Variants in SLC27A3 observed in about 807,000 individuals in gnomAD.
SLC27A3 encodes the protein long-chain fatty acid transport protein 3.
SLC27A3 carries 60 observed loss-of-function variants against 60.1 expected under a neutral mutation model. The ratio of observed to expected loss-of-function variants is 1.00; its 90% CI spans 0.81 to 1.24. The LOEUF (loss-of-function observed/expected upper bound fraction) is 1.24. Among genes scored for constraint, SLC27A3 ranks in the 50% most tolerant of loss-of-function variants. SLC27A3 has a pLI of 0.00. For synonymous variants in SLC27A3, 455 were observed against 409.0 expected, an observed-to-expected ratio of 1.11 and a Z score of -1.36; for missense variants, 1,079 against 929.9, an observed-to-expected ratio of 1.16 and a Z score of -2.09.
chr1:153,779,405 A>T lies in SLC27A3; in HGVS notation c.1807A>T (p.Met603Leu). Residue 603 changes from methionine (M) to leucine (L), a missense_variant, in exon 9 of 10, where the codon ATG becomes TTG. Physicochemically the swap from Met to Leu is conservative, Grantham distance 15. Transcript: ENST00000624995. ...VLRPPHALDLMQLYTHVSENL... is the reference protein window; with the variant it reads ...VLRPPHALDLLQLYTHVSENL... ...GCGTCCCCCCCACGCTTTGGACCTT[A>T]TGCAGCTCTACACCCACGTGTCTGA... 6.2e-7 allele frequency: 1 copy of T among 1,613,806 alleles called. No homozygotes were observed. The highest frequency in any genetic ancestry group is 8.5e-7 in the Non-Finnish European group (1 of 1,179,934).
At position 153,779,978 on chromosome 1, in the gene SLC27A3, C is replaced by T; in HGVS notation, c.2028C>T (p.Leu676=). The T allele has an allele frequency of 6.2e-7, 1 of 1,613,604 alleles. No individual in the cohort carries two copies. Among genetic ancestry groups the T allele is most frequent in the South Asian group, 1.1e-5 (1 of 90,974 alleles). The change falls in exon 10 of 10, where the codon CTC becomes CTT. Residue 676 remains leucine, a synonymous_variant. Coordinates refer to ENST00000624995, the MANE Select transcript of SLC27A3 (RefSeq NM_024330.4). ...TCACAACTGCCCGGTACAGCGCCCTCCTGGCAGGAAACCTTCGAATCTGAG... is the reference window on the plus strand; with the variant it reads ...TCACAACTGCCCGGTACAGCGCCCTTCTGGCAGGAAACCTTCGAATCTGAG... The part of the protein sequence containing the change: ...LPLTTARYSA[L]LAGNLRI
intron 3 of SLC27A3, 184 bp downstream of exon 3, chr1:153,777,404 G>T (rs1673285637): frequency 2.7e-6 from 2 of 733,984 alleles, no homozygotes; most frequent in South Asian, 1.8e-5. Context: ...GAACGGTGAG[G>T]GGGGCCATAC....
chr1:153,776,935 G>A, intron 2 of SLC27A3, 127 bp from the exon 3 acceptor site: 1 of 1,116,010 alleles, frequency 9.0e-7, no homozygotes, highest in Admixed American at 2.0e-5. Context: ...AGGACAGCCT[G>A]GTCTCGGTCC....
At position 153,778,532 on chromosome 1, in the gene SLC27A3, C is replaced by T. The variant is rs745383068; in HGVS notation, c.1426C>T (p.His476Tyr). 4 of 1,614,156 alleles carry T rather than the reference C, an allele frequency of 2.5e-6. No individual in the cohort carries two copies. Among genetic ancestry groups the T allele is most frequent in the Admixed American group, 1.7e-5 (1 of 60,024 alleles). The change falls in exon 6 of 10, where the codon CAC (histidine) becomes TAC (tyrosine). Residue 476 changes from histidine (H) to tyrosine (Y), a missense_variant. His to Tyr is a moderately conservative substitution (Grantham distance 83). Coordinates refer to ENST00000624995, the MANE Select transcript of SLC27A3 (RefSeq NM_024330.4). The part of the protein sequence containing the change: ...TGEPIRDPQG[H>Y]CMATSPGEPG... ...AGAGCCAATTCGGGACCCCCAGGGG[C>T]ACTGTATGGCCACATCTCCAGGTTG...
Position 153,775,481 on chromosome 1 carries a change from T to C in SLC27A3, c.-17T>C, listed in dbSNP as rs1673139365. ...AGCGGCTGGAACCAGACGGTGCCGA[T>C]AGAGGAAGCGGGCTCCATGGCTGCC... On this transcript the variant is annotated 5_prime_UTR_variant, in exon 1 of 10. Coordinates refer to ENST00000624995, the MANE Select transcript of SLC27A3 (RefSeq NM_024330.4). 2 of 1,613,084 alleles carry C rather than the reference T, an allele frequency of 1.2e-6. No homozygotes were observed. Among genetic ancestry groups the C allele is most frequent in the African/African-American group, 2.7e-5 (2 of 74,926 alleles).
chr1:153,775,433 AG>A lies in SLC27A3; in HGVS notation c.-62del. ...GAACGAGCGGCCCTAGGTTTTCGGA[AG>A]GGAGGATCAGGGATGTTTGCGAGCG... On this transcript the variant is annotated 5_prime_UTR_variant, in exon 1 of 10. Coordinates refer to ENST00000624995, the MANE Select transcript of SLC27A3 (RefSeq NM_024330.4). 6.2e-7 allele frequency: 1 copy of A among 1,611,978 alleles called. No homozygotes were observed. Among genetic ancestry groups the A allele is most frequent in the East Asian group, 2.2e-5 (1 of 44,880 alleles).
Position 153,777,193 on chromosome 1 carries a change from C to A in SLC27A3, c.1009C>A (p.Leu337Met), listed in dbSNP as rs746544937. 6.2e-7 allele frequency: 1 copy of A among 1,614,282 alleles called. No individual in the cohort carries two copies. Among genetic ancestry groups the A allele is most frequent in the South Asian group, 1.1e-5 (1 of 91,092 alleles). Residue 337 changes from leucine to methionine, a missense_variant, in exon 3 of 10, where the codon CTG becomes ATG. Physicochemically the swap from Leu to Met is conservative, Grantham distance 15. Transcript: ENST00000624995. ...LPLYHMSGSL[L>M]GIVGCMGIGA... is the part of the protein sequence containing the mutation. Reference sequence around the variant, plus strand: ...ACTCTACCACATGTCCGGTTCCCTGCTGGGCATCGTGGGCTGCATGGGCAT... The same window carrying A: ...ACTCTACCACATGTCCGGTTCCCTGATGGGCATCGTGGGCTGCATGGGCAT...
rs1491238717 is a variant in SLC27A3 at position 153,778,282 on chromosome 1, CAG to C, written c.1286_1287del (p.Glu429GlyfsTer34). 6.2e-7 allele frequency: 1 copy of C among 1,614,018 alleles called. No homozygotes were observed. The highest frequency in any genetic ancestry group is 2.2e-5 in the East Asian group (1 of 44,882). On this transcript the variant is annotated frameshift_variant, in exon 5 of 10. Transcript: ENST00000624995. LOFTEE classifies it high-confidence loss of function. ...CAGGTGCTGGAGACATATGGACTGACAGAGGGCAACGTGGCCACCATCAACTA... is the reference window on the plus strand; with the variant it reads ...CAGGTGCTGGAGACATATGGACTGACAGGGCAACGTGGCCACCATCAACTA...
chr1:153,778,933 A>C (rs1160580971), intron 7 of SLC27A3, 48 bp downstream of exon 7: 1 of 1,585,238 alleles, frequency 6.3e-7, no homozygotes, highest in Admixed American at 1.7e-5. Context: ...GATCTCTGTG[A>C]TCCAAAGCTT....
Position 153,777,125 on chromosome 1 carries a change from T to A in SLC27A3, c.941T>A (p.Leu314Gln). 1 of 1,614,260 alleles carries A rather than the reference T, an allele frequency of 6.2e-7. No individual in the cohort carries two copies. Among genetic ancestry groups the A allele is most frequent in the Non-Finnish European group, 8.5e-7 (1 of 1,180,046 alleles). Reference protein sequence around the residue: ...KILQCQGFYQLCGVHQEDVIY... With the variant: ...KILQCQGFYQQCGVHQEDVIY... ...CTGCAATGCCAGGGCTTCTATCAGC[T>A]GTGTGGTGTCCACCAGGAAGATGTG... The change falls in exon 3 of 10, where the codon CTG (leucine) becomes CAG (glutamine). Residue 314 changes from leucine to glutamine, a missense_variant. Leu to Gln is a moderately radical substitution (Grantham distance 113). Transcript: ENST00000624995.
Position 153,779,220 on chromosome 1 carries a change from G to A in SLC27A3, c.1744+9G>A, listed in dbSNP as rs917995861. ...TGGAGTCACTGTGCCAGGTGCCTAGGCATGGAAGGTGGGGGAGGCACCCAG... is the reference window on the plus strand; with the variant it reads ...TGGAGTCACTGTGCCAGGTGCCTAGACATGGAAGGTGGGGGAGGCACCCAG... On this transcript the variant is annotated intron_variant, in intron 8 of 9. Transcript: ENST00000624995. 8 of 1,613,924 alleles carry A rather than the reference G, an allele frequency of 5.0e-6. No homozygotes were observed. The highest frequency in any genetic ancestry group is 6.8e-6 in the Non-Finnish European group (8 of 1,179,908).
At chr1:153,777,998 C>A in intron 4 of SLC27A3, 113 bp downstream of exon 4, 1 of 1,524,504 alleles carries the variant, frequency 6.6e-7, no homozygotes, top group Non-Finnish European at 8.9e-7. Flanking sequence ...AAGAAAATGG[C>A]AGTGTAAGAT....
intron 7 of SLC27A3, 22 bp from the exon 8 acceptor site, chr1:153,779,092 T>C (rs1210767134): frequency 1.9e-6 from 3 of 1,613,136 alleles, no homozygotes; most frequent in East Asian, 2.2e-5. Flanking sequence ...ACTCCCAGTT[T>C]CAGATCTCTG....
rs1673374924 is a variant in SLC27A3, at chr1:153,778,804, T to A, written c.1565T>A (p.Val522Asp). Reference protein sequence around the residue: ...LLKDVFRPGDVFFNTGDLLVC... With the variant: ...LLKDVFRPGDDFFNTGDLLVC... The stretch of plus-strand genomic sequence containing the variant: ...AAGGATGTCTTCCGGCCTGGGGATG[T>A]TTTCTTCAACACTGGGGACCTGCTG... Residue 522 changes from valine to aspartate, a missense_variant, in exon 7 of 10, where the codon GTT becomes GAT. Coordinates refer to ENST00000624995, the MANE Select transcript of SLC27A3 (RefSeq NM_024330.4). 1 of 1,613,996 alleles carries A rather than the reference T, an allele frequency of 6.2e-7. No homozygotes were observed. Among genetic ancestry groups the A allele is most frequent in the South Asian group, 1.1e-5 (1 of 91,090 alleles).
At chr1:153,776,749 T>C in intron 2 of SLC27A3, 22 bp downstream of exon 2, 1 of 1,612,476 alleles carries the variant, frequency 6.2e-7, no homozygotes, top group Non-Finnish European at 8.5e-7. Context: ...GCACCATACT[T>C]AGCTCCCCGA....
At chr1:153,779,252 C>A in intron 8 of SLC27A3, 41 bp downstream of exon 8, 2 of 1,613,604 alleles carry the variant, frequency 1.2e-6, no homozygotes, top group South Asian at 1.1e-5. Flanking sequence ...CCAGCCACCA[C>A]CCCGAATTGG....
Position 153,779,085 on chromosome 1 carries a change from C to T in SLC27A3, c.1647-29C>T, listed in dbSNP as rs1355072123. 7 of 1,611,182 alleles carry T rather than the reference C, an allele frequency of 4.3e-6. No homozygotes were observed. The East Asian group carries it at 1.6e-4, about 36-fold the overall frequency. On this transcript the variant is annotated intron_variant, in intron 7 of 9. Coordinates refer to ENST00000624995, the MANE Select transcript of SLC27A3 (RefSeq NM_024330.4). ...GCCCATAAGGCCCTGACCCCTGACT[C>T]CCAGTTTCAGATCTCTGCTCTCTGA...
Position 153,776,686 on chromosome 1 carries a change from T to C in SLC27A3, c.836T>C (p.Ile279Thr). The change falls in exon 2 of 10, where the codon ATA becomes ACA. Residue 279 changes from isoleucine to threonine, a missense_variant. Physicochemically the swap from Ile to Thr is moderately conservative, Grantham distance 89. Transcript: ENST00000624995. Reference sequence around the variant, plus strand: ...GGATACCTCTCTTCCCCCCAGAGCATAACAGACACGTGCCTGTACATCTTC... The same window carrying C: ...GGATACCTCTCTTCCCCCCAGAGCACAACAGACACGTGCCTGTACATCTTC... ...VPGYLSSPQS[I>T]TDTCLYIFTS... is the part of the protein sequence containing the mutation. 6.2e-7 allele frequency: 1 copy of C among 1,614,130 alleles called. No individual in the cohort carries two copies. Among genetic ancestry groups the C allele is most frequent in the East Asian group, 2.2e-5 (1 of 44,862 alleles).
In SLC27A3 at chr1:153,777,801, G is replaced by C. The variant is rs1558021049; in HGVS notation, c.1077G>C (p.Gln359His). Residue 359 changes from glutamine to histidine, a missense_variant, in exon 4 of 10, where the codon CAG becomes CAC. Coordinates refer to ENST00000624995, the MANE Select transcript of SLC27A3 (RefSeq NM_024330.4). ...VVLKSKFSAG[Q>H]FWEDCQQHRV... ...TGAAATCCAAGTTCTCGGCTGGTCA[G>C]TTCTGGGAAGATTGCCAGCAGCACA... is the stretch of plus-strand genomic sequence containing the variant. 6.2e-7 allele frequency: 1 copy of C among 1,614,256 alleles called. No homozygotes were observed. The highest frequency in any genetic ancestry group is 8.5e-7 in the Non-Finnish European group (1 of 1,180,044).
Sources: allele counts gnomAD v4.1 joint callset, GRCh38; gene constraint gnomAD v4.1.1; transcripts MANE v1.5; gene names NCBI Gene and HGNC (gene_info 2026-07-23, HGNC 2026-07-21).